The following LYPD6 variants were observed in gnomAD, a reference collection of about 807,000 sequenced individuals.
LYPD6 encodes ly6/PLAUR domain-containing protein 6.
In LYPD6, 15 loss-of-function variants were observed where a neutral mutation model predicts 22.7. The observed-to-expected ratio is 0.66, with a 90% CI of 0.44 to 1.02. The LOEUF (loss-of-function observed/expected upper bound fraction) is 1.02. Among genes scored for constraint, LYPD6 ranks in the 50% least tolerant of loss-of-function variants. The probability of loss-of-function intolerance (pLI) is 0.00; values close to 1 mark genes in which losing one functional copy is unlikely to be tolerated. For missense variants in LYPD6, 189 were observed against 208.4 expected, an observed-to-expected ratio of 0.91 and a Z score of 0.57; for synonymous variants, 72 against 77.5, an observed-to-expected ratio of 0.93 and a Z score of 0.37.
intron 3 of LYPD6, among the ~76,000 whole-genome samples, chr2:149,461,503 A>G (rs897079582): frequency 1.3e-5 from 2 of 151,986 alleles, no homozygotes; most frequent in Non-Finnish European, 2.9e-5. Flanking sequence ...CTTCCAGAAA[A>G]TGGAAGAGAA....
intron 2 of LYPD6, among the ~76,000 whole-genome samples, chr2:149,445,291 A>G (rs976648744): frequency 3.3e-5 from 5 of 152,258 alleles, no homozygotes; most frequent in East Asian, 1.9e-4. Flanking sequence ...TAGACTTAAC[A>G]TAATTTTTAA....
chr2:149,394,642 T>C (rs1440688382), intron 1 of LYPD6, among the ~76,000 whole-genome samples: 1 of 152,152 alleles, frequency 6.6e-6, no homozygotes, highest in Non-Finnish European at 1.5e-5. Flanking sequence ...CTCTCTCTCT[T>C]TCTGTCTCTC....
intron 1 of LYPD6, among the ~76,000 whole-genome samples, chr2:149,425,183 G>A (rs868312381): frequency 1.1e-4 from 16 of 152,198 alleles, no homozygotes; most frequent in African/African-American, 2.2e-4. Flanking sequence ...CTCTTCCTGC[G>A]TCTCACATGT....
intron 1 of LYPD6, among the ~76,000 whole-genome samples, chr2:149,418,447 TAAG>T (rs1350802361): frequency 1.3e-5 from 2 of 152,206 alleles, no homozygotes; most frequent in East Asian, 1.9e-4. Flanking sequence ...TGAGTAATAA[TAAG>T]AAGTTGAAAT....
intron 1 of LYPD6, among the ~76,000 whole-genome samples, chr2:149,341,963 T>C (rs1681169272): frequency 6.6e-6 from 1 of 152,178 alleles, no homozygotes; most frequent in Non-Finnish European, 1.5e-5. Flanking sequence ...AAGGGATAGG[T>C]TTTGCATTAT....
In LYPD6 at chr2:149,339,524, T is replaced by C. The variant is rs1335767539; in HGVS notation, c.-72+8802T>C. 2.0e-5 allele frequency among the ~76,000 whole-genome samples: 3 copies of C among 152,190 alleles called. No homozygotes were observed. The East Asian group carries it at 5.8e-4, about 29-fold the overall frequency. ...ACCAATTACAGTCATAGCTGTAACT[T>C]GTTACTATGACGTTTTTACTCTTAT... is the stretch of plus-strand genomic sequence containing the variant. On this transcript the variant is annotated intron_variant, in intron 1 of 4. Transcript: ENST00000334166.
chr2:149,330,941 A>G (rs1048072604), intron 1 of LYPD6, among the ~76,000 whole-genome samples: 2 of 152,164 alleles, frequency 1.3e-5, no homozygotes, highest in African/African-American at 4.8e-5. Flanking sequence ...GGACGGGTCC[A>G]GAGGGGCGTG....
intron 1 of LYPD6, among the ~76,000 whole-genome samples, chr2:149,376,224 A>C (rs1353931220): frequency 6.6e-6 from 1 of 152,208 alleles, no homozygotes; most frequent in Non-Finnish European, 1.5e-5. Context: ...TTTGCGGTCT[A>C]AAACTGGTAC....
intron 1 of LYPD6, among the ~76,000 whole-genome samples, chr2:149,403,539 G>A (rs1426627205): frequency 4.9e-5 from 7 of 141,618 alleles, no homozygotes; most frequent in African/African-American, 2.0e-4. Flanking sequence ...CTTTTGAGAA[G>A]TGTCTGTTCA....
intron 1 of LYPD6, among the ~76,000 whole-genome samples, chr2:149,391,694 G>C (rs1423730942): frequency 2.6e-5 from 4 of 152,146 alleles, no homozygotes; most frequent in Non-Finnish European, 5.9e-5. Flanking sequence ...TGATGAGCTG[G>C]ACATGACCCT....
chr2:149,366,981 G>A (rs1681684531), intron 1 of LYPD6, among the ~76,000 whole-genome samples: 2 of 151,974 alleles, frequency 1.3e-5, no homozygotes, highest in South Asian at 2.1e-4. Context: ...TTCATTTTTA[G>A]TTAAACGTTT....
At chr2:149,419,763 C>T (rs995107965) in intron 1 of LYPD6, among the ~76,000 whole-genome samples, 4 of 152,132 alleles carry the variant, frequency 2.6e-5, no homozygotes, top group African/African-American at 9.7e-5. Context: ...AAATGCTGAT[C>T]CTTCAAAGAC....
the LYPD6 span, among the ~76,000 whole-genome samples, chr2:149,479,432 A>G: frequency 6.6e-6 from 1 of 152,040 alleles, no homozygotes; most frequent in Non-Finnish European, 1.5e-5. Flanking sequence ...GCTCTCCCCA[A>G]ATTATCTACT....
chr2:149,332,004 G>A (rs1047517566), intron 1 of LYPD6, among the ~76,000 whole-genome samples: 1 of 152,220 alleles, frequency 6.6e-6, no homozygotes, highest in African/African-American at 2.4e-5. Flanking sequence ...TATTTCTCTA[G>A]AAGACATTAA....
At position 149,437,678 on chromosome 2, in the gene LYPD6, G is replaced by A. The variant is rs747421185; in HGVS notation, c.-31G>A. The A allele has an allele frequency of 3.1e-6, 5 of 1,612,684 alleles. No individual in the cohort carries two copies. Among genetic ancestry groups the A allele is most frequent in the Admixed American group, 3.3e-5 (2 of 59,980 alleles). ...TGTTGCCCTGAGTGCCCACTCCCAG[G>A]CCCTCTGTATGAGTGACACTTCAGT... On this transcript the variant is annotated 5_prime_UTR_variant, in exon 2 of 5. Coordinates refer to ENST00000334166, the MANE Select transcript of LYPD6 (RefSeq NM_194317.5).
intron 1 of LYPD6, among the ~76,000 whole-genome samples, chr2:149,347,902 G>T (rs1681286575): frequency 6.6e-6 from 1 of 151,750 alleles, no homozygotes; most frequent in Admixed American, 6.6e-5. Flanking sequence ...TTTTTTCTGG[G>T]CCCTACCCAG....
At chr2:149,427,112 G>T (rs1683203365) in intron 1 of LYPD6, among the ~76,000 whole-genome samples, 1 of 152,162 alleles carries the variant, frequency 6.6e-6, no homozygotes, top group South Asian at 2.1e-4. Flanking sequence ...TCTATATAGT[G>T]CCAAGGTAAC....
At chr2:149,336,930 TGTGTGTG>T (rs1559116684) in intron 1 of LYPD6, among the ~76,000 whole-genome samples, 14 of 150,930 alleles carry the variant, frequency 9.3e-5, no homozygotes, top group African/African-American at 1.7e-4. Flanking sequence ...TGAAATAACG[TGTGTGTG>T]TGTGTGTGTG....
At chr2:149,360,892 C>G (rs1681559514) in intron 1 of LYPD6, among the ~76,000 whole-genome samples, 1 of 152,092 alleles carries the variant, frequency 6.6e-6, no homozygotes, top group African/African-American at 2.4e-5. Flanking sequence ...TTCAATGTTC[C>G]TAATTTTTCA....
Sources: allele counts gnomAD v4.1 joint callset (sites outside exome capture counted in the v4.1 genomes callset), GRCh38; gene constraint gnomAD v4.1.1; transcripts MANE v1.5; gene names NCBI Gene and HGNC (gene_info 2026-07-23, HGNC 2026-07-21).